SARNP: variants seen among roughly 807,000 people sequenced by gnomAD.
SARNP encodes SAP domain-containing ribonucleoprotein.
A neutral mutation model predicts 38.1 loss-of-function variants in SARNP; 5 were observed. That is an observed-to-expected ratio of 0.13 (90% CI 0.07 to 0.28). The LOEUF is 0.28. SARNP is among the 10% of genes least tolerant of loss of function. SARNP has a pLI of 1.00. For synonymous variants in SARNP, 84 were observed against 80.6 expected (o/e 1.04, Z -0.23); for missense variants, 180 against 243.9 (o/e 0.74, Z 1.75).
chr12:55,793,279 T>A (rs1879726570), intron 7 of SARNP: 1 of 152,138 alleles, frequency 6.6e-6, no homozygotes, highest in Admixed American at 6.5e-5. Context: ...AGACTGTGTC[T>A]CAAAAAATAG....
intron 1 of SARNP, 38 bp from the exon 2 acceptor site, chr12:55,803,766 G>T: frequency 7.4e-7 from 1 of 1,354,438 alleles, no homozygotes; most frequent in Non-Finnish European, 1.1e-6. Context: ...TTAGTTAACA[G>T]GATGAACACC....
chr12:55,797,215 G>A (rs1308876545), intron 4 of SARNP, among the ~76,000 whole-genome samples: 1 of 152,220 alleles, frequency 6.6e-6, no homozygotes, highest in Non-Finnish European at 1.5e-5. Context: ...TCTGGAATAA[G>A]AACTTACTCT....
intron 7 of SARNP, among the ~76,000 whole-genome samples, chr12:55,791,608 T>C (rs1405379819): frequency 2.0e-5 from 3 of 152,064 alleles, no homozygotes; most frequent in Non-Finnish European, 2.9e-5. Context: ...GACAGGAGAA[T>C]TGCTTGAACC....
At chr12:55,790,678 C>A in intron 7 of SARNP, 86 bp from the exon 8 acceptor site, 1 of 1,267,702 alleles carries the variant, frequency 7.9e-7, no homozygotes, top group Non-Finnish European at 1.1e-6. Context: ...AACATAAAAA[C>A]ATCCTTTATC....
intron 2 of SARNP, among the ~76,000 whole-genome samples, chr12:55,802,303 A>C (rs1880002167): frequency 6.6e-6 from 1 of 152,106 alleles, no homozygotes; most frequent in Admixed American, 6.6e-5. Context: ...TTTCACAGGA[A>C]CATAAGAGCA....
intron 9 of SARNP, among the ~76,000 whole-genome samples, chr12:55,764,695 G>A (rs1275293251): frequency 6.6e-6 from 1 of 151,250 alleles, no homozygotes; most frequent in Non-Finnish European, 1.5e-5. Flanking sequence ...AAAATTAGCT[G>A]GGTGTGGTGG....
chr12:55,813,027 C>A (rs902240740), intron 1 of SARNP, among the ~76,000 whole-genome samples: 1 of 151,872 alleles, frequency 6.6e-6, no homozygotes, highest in Non-Finnish European at 1.5e-5. Flanking sequence ...GCTCCTGCAA[C>A]CTCCGCCTCC....
At chr12:55,760,251 C>T (rs1051449834) in intron 10 of SARNP, among the ~76,000 whole-genome samples, 1 of 152,000 alleles carries the variant, frequency 6.6e-6, no homozygotes, top group African/African-American at 2.4e-5. Context: ...ATAATAATCC[C>T]AGCAATTTGG....
chr12:55,784,369 T>A (rs1285727644), intron 9 of SARNP, among the ~76,000 whole-genome samples: 2 of 152,150 alleles, frequency 1.3e-5, no homozygotes, highest in Non-Finnish European at 2.9e-5. Flanking sequence ...AACCAAACGC[T>A]ACGTAGCAAC....
intron 1 of SARNP, among the ~76,000 whole-genome samples, chr12:55,812,783 CTT>C (rs1880366059): frequency 6.6e-6 from 1 of 152,238 alleles, no homozygotes; most frequent in Non-Finnish European, 1.5e-5. Flanking sequence ...CTTTTGAAGT[CTT>C]GACATGCTTA....
chr12:55,807,788 G>A (rs776844750), intron 1 of SARNP, among the ~76,000 whole-genome samples: 12 of 150,612 alleles, frequency 8.0e-5, no homozygotes, highest in Non-Finnish European at 1.8e-4. Flanking sequence ...TACTTCCACC[G>A]GGGTGACAGA....
intron 9 of SARNP, among the ~76,000 whole-genome samples, chr12:55,767,610 G>A (rs1878876509): frequency 6.6e-6 from 1 of 151,896 alleles, no homozygotes; most frequent in Non-Finnish European, 1.5e-5. Flanking sequence ...CACTTTGGGA[G>A]GCCGAGACGG....
chr12:55,803,950 C>T (rs1880060412), intron 1 of SARNP, among the ~76,000 whole-genome samples: 2 of 152,184 alleles, frequency 1.3e-5, no homozygotes, highest in African/African-American at 4.8e-5. Flanking sequence ...GAATAAACAT[C>T]ACACTTTAAT....
chr12:55,782,778 G>A (rs1427502591), intron 9 of SARNP, among the ~76,000 whole-genome samples: 1 of 152,070 alleles, frequency 6.6e-6, no homozygotes, highest in Non-Finnish European at 1.5e-5. Context: ...TTTTATAGAA[G>A]ACAGGGTCTC....
intron 9 of SARNP, among the ~76,000 whole-genome samples, chr12:55,788,575 T>C (rs908940644): frequency 6.6e-5 from 10 of 152,202 alleles, no homozygotes; most frequent in African/African-American, 1.9e-4. Context: ...AGTGGGTGGA[T>C]CCCTTAGGCC....
At chr12:55,783,197 T>C (rs542316257) in intron 9 of SARNP, among the ~76,000 whole-genome samples, 34 of 151,114 alleles carry the variant, frequency 2.2e-4, no homozygotes, top group East Asian at 9.8e-4. Flanking sequence ...TTGGGAGGCA[T>C]GGGAAACAGA....
At chr12:55,757,805 GAGA>G (rs1328887517) in intron 10 of SARNP, among the ~76,000 whole-genome samples, 3 of 152,182 alleles carry the variant, frequency 2.0e-5, no homozygotes, top group South Asian at 2.1e-4. Context: ...GAGGGACAGA[GAGA>G]AGAACAGTGG....
chr12:55,770,913 T>G (rs1221743863), intron 9 of SARNP, among the ~76,000 whole-genome samples: 1 of 151,890 alleles, frequency 6.6e-6, no homozygotes, highest in Non-Finnish European at 1.5e-5. Context: ...GGTTGTGTGT[T>G]GAAAGCATTC....
chr12:55,759,640 C>A (rs746221535), intron 10 of SARNP, among the ~76,000 whole-genome samples: 124 of 152,080 alleles, frequency 8.2e-4, no homozygotes, highest in Non-Finnish European at 1.6e-3. Context: ...GGGGTTTCAC[C>A]ATGTTGGCCA....
Sources: allele counts gnomAD v4.1 joint callset (sites outside exome capture counted in the v4.1 genomes callset), GRCh38; gene constraint gnomAD v4.1.1; transcripts MANE v1.5; gene names NCBI Gene and HGNC (gene_info 2026-07-23, HGNC 2026-07-21).